AUH: variants seen among roughly 807,000 people sequenced by gnomAD.
The protein encoded by AUH is AU RNA binding methylglutaconyl-CoA hydratase.
Under a neutral mutation model 42.3 loss-of-function variants are expected in AUH, and 29 were observed. The ratio of observed to expected loss-of-function variants is 0.69; its 90% confidence interval spans 0.51 to 0.93. The LOEUF (loss-of-function observed/expected upper bound fraction) is 0.93. Among genes scored for constraint, AUH ranks in the 40% least tolerant of loss-of-function variants. The pLI is 0.00. For missense variants in AUH, 452 were observed against 438.1 expected (o/e 1.03, Z -0.28); for synonymous variants, 174 against 166.4 (o/e 1.05, Z -0.35).
At chr9:91,324,429 G>C (rs1472455329) in intron 4 of AUH, among the ~76,000 whole-genome samples, 3 of 151,590 alleles carry the variant, frequency 2.0e-5, no homozygotes, top group Admixed American at 6.6e-5. Flanking sequence ...CTTGAGCCCA[G>C]GAGTTGGAGG....
intron 3 of AUH, among the ~76,000 whole-genome samples, chr9:91,336,082 T>TTAGGTCAATTTACAAACAA (rs1830664816): frequency 6.6e-6 from 1 of 152,186 alleles, no homozygotes. Flanking sequence ...TATTTCATAT[T>TTAGGTCAATTTACAAACAA]TAGGTCAATT....
chr9:91,305,460 GCCACATA>G (rs1828137078), intron 4 of AUH, among the ~76,000 whole-genome samples: 1 of 152,094 alleles, frequency 6.6e-6, no homozygotes, highest in Non-Finnish European at 1.5e-5. Context: ...TCAAATATAT[GCCACATA>G]CCATGTTGAA....
At chr9:91,244,114 CAAACA>C (rs1276771010) in intron 6 of AUH, among the ~76,000 whole-genome samples, 2 of 152,118 alleles carry the variant, frequency 1.3e-5, no homozygotes, top group African/African-American at 4.8e-5. Context: ...CCTCCCATCC[CAAACA>C]AAAGTAAAAT....
At chr9:91,260,365 T>C (rs184755516) in intron 6 of AUH, among the ~76,000 whole-genome samples, 2 of 152,264 alleles carry the variant, frequency 1.3e-5, no homozygotes, top group East Asian at 3.9e-4. Context: ...TACCATCTTG[T>C]TGTTTTCCAT....
At chr9:91,314,583 T>TA (rs980534048) in intron 4 of AUH, among the ~76,000 whole-genome samples, 3,422 of 139,560 alleles carry the variant, frequency 0.025, 129 homozygotes, top group African/African-American at 0.082. Context: ...TAATGAGAAA[T>TA]AAAAAAAAAA....
At chr9:91,320,429 C>T (rs1829480651) in intron 4 of AUH, among the ~76,000 whole-genome samples, 1 of 152,202 alleles carries the variant, frequency 6.6e-6, no homozygotes, top group Non-Finnish European at 1.5e-5. Context: ...ATACTTCAAC[C>T]ACTCATACAC....
At chr9:91,281,017 G>A (rs1330929335) in intron 6 of AUH, among the ~76,000 whole-genome samples, 2 of 152,116 alleles carry the variant, frequency 1.3e-5, no homozygotes, top group African/African-American at 4.8e-5. Flanking sequence ...CTCTGGGCTT[G>A]TTTAGGTTTA....
Position 91,314,349 on chromosome 9 carries a change from G to A in AUH, c.505+10969C>T, listed in dbSNP as rs1343199155. Among the ~76,000 whole-genome samples, 3 of 151,774 alleles carry A rather than the reference G, an allele frequency of 2.0e-5. No homozygotes were observed. The East Asian group carries it at 5.9e-4, about 30-fold the overall frequency. ...ACGAAACAACACAAAACTTAGCCGG[G>A]CATGGTAGAGCCCATCCCTGCTACT... On this transcript the variant is annotated intron_variant, in intron 4 of 9. Coordinates refer to ENST00000375731, the MANE Select transcript of AUH (RefSeq NM_001698.3).
rs1188269860 is a variant in AUH at position 91,267,147 on chromosome 9, C to T, written c.655+28874G>A. ...ATGCCCTAGAAAGGTGCCCCAGCTA[C>T]TAATGTAAAAAGCCATGGGATAACT... On this transcript the variant is annotated intron_variant, in intron 6 of 9. Coordinates refer to ENST00000375731, the MANE Select transcript of AUH (RefSeq NM_001698.3). 2.0e-5 allele frequency among the ~76,000 whole-genome samples: 3 copies of T among 152,248 alleles called. 1 individual carries two copies. The highest frequency in any genetic ancestry group is 3.9e-4 in the East Asian group (2 of 5,184).
At chr9:91,358,110 C>A (rs912183665) in intron 1 of AUH, among the ~76,000 whole-genome samples, 29 of 152,158 alleles carry the variant, frequency 1.9e-4, no homozygotes, top group African/African-American at 6.8e-4. Flanking sequence ...GATTCAAGAA[C>A]TATTCAAAAA....
rs147096849 is a variant in AUH, at chr9:91,215,824, T to C, written c.942+235A>G. On this transcript the variant is annotated intron_variant, in intron 9 of 9. Transcript: ENST00000375731. The stretch of plus-strand genomic sequence containing the variant: ...GAGACAGCTCCTGCACACCCAGGAC[T>C]GACTCAGTTACTCTAAGAGTTTTCT... Among the ~76,000 whole-genome samples the C allele has an allele frequency of 4.0e-3, 609 of 152,308 alleles. 4 individuals carry two copies. Among genetic ancestry groups the C allele is most frequent in the African/African-American group, 0.014 (578 of 41,548 alleles).
chr9:91,229,768 C>G (rs1827755734), intron 6 of AUH, among the ~76,000 whole-genome samples: 1 of 150,648 alleles, frequency 6.6e-6, no homozygotes, highest in South Asian at 2.1e-4. Context: ...CAAAATCTCT[C>G]AGCATTTGCT....
At chr9:91,303,329 C>T (rs892351930) in intron 4 of AUH, among the ~76,000 whole-genome samples, 1 of 151,950 alleles carries the variant, frequency 6.6e-6, no homozygotes, top group Non-Finnish European at 1.5e-5. Flanking sequence ...TAGTGTCAGA[C>T]GCATGATTTT....
chr9:91,244,411 TAA>T (rs1392073962), intron 6 of AUH, among the ~76,000 whole-genome samples: 3 of 152,238 alleles, frequency 2.0e-5, no homozygotes, highest in Non-Finnish European at 4.4e-5. Context: ...CACATAAACT[TAA>T]TGTAGTCAGT....
intron 6 of AUH, among the ~76,000 whole-genome samples, chr9:91,278,694 T>C (rs1169264389): frequency 6.6e-6 from 1 of 152,210 alleles, no homozygotes; most frequent in African/African-American, 2.4e-5. Flanking sequence ...ATTTAATGAA[T>C]CATAGCCCTT....
intron 1 of AUH, 29 bp downstream of exon 1, chr9:91,361,599 C>T (rs1715303849): frequency 1.0e-5 from 16 of 1,565,970 alleles, no homozygotes; most frequent in Non-Finnish European, 1.4e-5. Context: ...CGCCCGCTGC[C>T]CCGCGCCTGC....
At chr9:91,255,312 T>G (rs1410943998) in intron 6 of AUH, among the ~76,000 whole-genome samples, 1 of 152,212 alleles carries the variant, frequency 6.6e-6, no homozygotes, top group Admixed American at 6.5e-5. Flanking sequence ...CTGTATCTTT[T>G]GTTAAGATTT....
intron 6 of AUH, among the ~76,000 whole-genome samples, chr9:91,223,590 G>A (rs183415659): frequency 1.3e-5 from 2 of 152,258 alleles, no homozygotes; most frequent in African/African-American, 4.8e-5. Context: ...TATATACAGC[G>A]TGGGACTGCT....
rs1404878388 is a variant in AUH at position 91,357,502 on chromosome 9, T to C, written c.263-1347A>G. 3.1e-6 allele frequency: 3 copies of C among 966,220 alleles called. No homozygotes were observed. In the African/African-American group the frequency reaches 5.3e-5, roughly 17 times the overall value. The allele number at this position is 966,220 out of a possible 1,614,324, so 59.9% of individuals were successfully genotyped here. ...TACGTACTATAGTGATCAGCAGCCATGGAACTAGAGTCTAGGAGGGAAATA... is the reference window on the plus strand; with the variant it reads ...TACGTACTATAGTGATCAGCAGCCACGGAACTAGAGTCTAGGAGGGAAATA... On this transcript the variant is annotated intron_variant, in intron 1 of 9. Transcript: ENST00000375731.
Sources: allele counts gnomAD v4.1 joint callset (sites outside exome capture counted in the v4.1 genomes callset), GRCh38; gene constraint gnomAD v4.1.1; transcripts MANE v1.5; gene names NCBI Gene and HGNC (gene_info 2026-07-23, HGNC 2026-07-21).